Variants in LUZP2 observed in about 807,000 individuals in gnomAD.
The protein encoded by LUZP2 is leucine zipper protein 2.
Under a neutral mutation model 51.6 loss-of-function variants are expected in LUZP2, and 52 were observed. The ratio of observed to expected loss-of-function variants is 1.01; its 90% CI spans 0.81 to 1.27. The LOEUF (loss-of-function observed/expected upper bound fraction) is 1.27. Among genes scored for constraint, LUZP2 ranks in the 50% most tolerant of loss-of-function variants. LUZP2 has a pLI of 0.00. For missense variants in LUZP2, 436 were observed against 395.4 expected (o/e 1.10, Z -0.87); for synonymous variants, 154 against 137.3 (o/e 1.12, Z -0.85).
intron 1 of LUZP2, among the ~76,000 whole-genome samples, chr11:24,653,028 A>G (rs564487117): frequency 1.3e-5 from 2 of 152,182 alleles, no homozygotes; most frequent in Admixed American, 6.5e-5. Flanking sequence ...TCAGAATGGT[A>G]GTAGTAGTGG....
intron 10 of LUZP2, among the ~76,000 whole-genome samples, chr11:25,071,198 A>G (rs1859147977): frequency 6.6e-6 from 1 of 151,972 alleles, no homozygotes; most frequent in Non-Finnish European, 1.5e-5. Flanking sequence ...TATAGTAAAT[A>G]TATAAACAGC....
intron 4 of LUZP2, among the ~76,000 whole-genome samples, chr11:24,762,488 A>C (rs1860017403): frequency 6.6e-6 from 1 of 152,192 alleles, no homozygotes; most frequent in Admixed American, 6.5e-5. Context: ...TACTTTATTA[A>C]AAATGTGACT....
chr11:24,517,224 G>A (rs1387364900), intron 1 of LUZP2, among the ~76,000 whole-genome samples: 1 of 151,852 alleles, frequency 6.6e-6, no homozygotes, highest in Non-Finnish European at 1.5e-5. Flanking sequence ...GATGGTTCAC[G>A]CCTGTAACCC....
At chr11:24,808,536 G>C (rs1849920367) in intron 5 of LUZP2, among the ~76,000 whole-genome samples, 1 of 152,080 alleles carries the variant, frequency 6.6e-6, no homozygotes, top group South Asian at 2.1e-4. Context: ...CTCCAATATA[G>C]ATAAACTATA....
chr11:24,846,023 G>C (rs550747633), intron 5 of LUZP2, among the ~76,000 whole-genome samples: 28 of 152,020 alleles, frequency 1.8e-4, no homozygotes, highest in African/African-American at 6.5e-4. Flanking sequence ...TTTATGGTAA[G>C]TTATCAGATG....
rs1858988477 is a variant in LUZP2 at position 24,737,519 on chromosome 11, C to T, written c.252-702C>T. Among the ~76,000 whole-genome samples, 3 of 151,238 alleles carry T rather than the reference C, an allele frequency of 2.0e-5. No individual in the cohort carries two copies. The Admixed American group carries it at 2.0e-4, about 10-fold the overall frequency. ...GCTCGAGTAAAAAAAAATCAAGGCA[C>T]AGAAAGATAATATGATGTGTTATAA... On this transcript the variant is annotated intron_variant, in intron 3 of 11. Coordinates refer to ENST00000336930, the MANE Select transcript of LUZP2 (RefSeq NM_001009909.4).
chr11:24,557,641 A>G (rs1851911555), intron 1 of LUZP2, among the ~76,000 whole-genome samples: 1 of 152,154 alleles, frequency 6.6e-6, no homozygotes, highest in African/African-American at 2.4e-5. Context: ...GAAGAAAACA[A>G]TGTTGCCACT....
intron 10 of LUZP2, among the ~76,000 whole-genome samples, chr11:25,062,067 A>G (rs1414985527): frequency 1.3e-5 from 2 of 151,502 alleles, no homozygotes; most frequent in African/African-American, 4.8e-5. Flanking sequence ...AAGAAAAGGG[A>G]AAAAGAAGAA....
chr11:24,947,694 T>C (rs1254359906), intron 7 of LUZP2, among the ~76,000 whole-genome samples: 1 of 151,870 alleles, frequency 6.6e-6, no homozygotes, highest in South Asian at 2.1e-4. Context: ...ATACCTTTTC[T>C]TTGGCCTTGA....
intron 1 of LUZP2, among the ~76,000 whole-genome samples, chr11:24,564,897 A>T (rs1402711555): frequency 6.6e-6 from 1 of 152,172 alleles, no homozygotes; most frequent in Non-Finnish European, 1.5e-5. Context: ...TATGTTTGAG[A>T]TAAATTAGGT....
chr11:24,954,920 C>T (rs988797258), intron 7 of LUZP2, among the ~76,000 whole-genome samples: 2 of 151,822 alleles, frequency 1.3e-5, no homozygotes, highest in African/African-American at 4.8e-5. Flanking sequence ...TAGGAACGGA[C>T]CAGAAAGAAT....
chr11:24,984,718 A>C (rs1241675313), intron 9 of LUZP2, among the ~76,000 whole-genome samples: 1 of 151,088 alleles, frequency 6.6e-6, no homozygotes, highest in African/African-American at 2.4e-5. Context: ...CTATAGCTTA[A>C]GTTTCTGCTG....
chr11:24,650,181 G>GAT (rs1269850964), intron 1 of LUZP2, among the ~76,000 whole-genome samples: 1 of 151,862 alleles, frequency 6.6e-6, no homozygotes, highest in Non-Finnish European at 1.5e-5. Flanking sequence ...GCTGTACACA[G>GAT]ATTTTTAGCC....
chr11:25,075,540 T>G (rs2134061018), intron 10 of LUZP2, among the ~76,000 whole-genome samples: 1 of 152,340 alleles, frequency 6.6e-6, no homozygotes, highest in Middle Eastern at 3.4e-3. Flanking sequence ...TGTCTTAAAG[T>G]TATTCACAAT....
intron 3 of LUZP2, among the ~76,000 whole-genome samples, chr11:24,735,309 G>T (rs543644298): frequency 6.6e-6 from 1 of 151,804 alleles, no homozygotes; most frequent in Non-Finnish European, 1.5e-5. Context: ...GATTCCCCAG[G>T]TGAATGGAGA....
intron 1 of LUZP2, among the ~76,000 whole-genome samples, chr11:24,687,723 A>G (rs1305752549): frequency 6.6e-6 from 1 of 152,030 alleles, no homozygotes; most frequent in African/African-American, 2.4e-5. Context: ...GACTTCCTCC[A>G]CTCATGCTCA....
Position 24,800,809 on chromosome 11 carries a change from G to T in LUZP2, c.396+37501G>T, listed in dbSNP as rs186292098. 6.8e-3 allele frequency among the ~76,000 whole-genome samples: 1,041 copies of T among 152,110 alleles called. 13 individuals are homozygous for T. Among genetic ancestry groups the T allele is most frequent in the African/African-American group, 0.022 (928 of 41,528 alleles). The stretch of plus-strand genomic sequence containing the variant: ...ATAAACGAACTCCTCCTTCACATTT[G>T]CTTTCCCTAGAATTTTTTCTAAAAC... On this transcript the variant is annotated intron_variant, in intron 5 of 11. Coordinates refer to ENST00000336930, the MANE Select transcript of LUZP2 (RefSeq NM_001009909.4).
intron 10 of LUZP2, among the ~76,000 whole-genome samples, chr11:25,075,495 T>C (rs1371119211): frequency 1.3e-5 from 2 of 152,210 alleles, no homozygotes; most frequent in African/African-American, 4.8e-5. Flanking sequence ...TTGGTAGGCA[T>C]CTAGCTGCGA....
Position 24,729,169 on chromosome 11 carries a change from A to G in LUZP2, c.63A>G (p.Arg21=). 1 of 1,528,086 alleles carries G rather than the reference A, an allele frequency of 6.5e-7. No homozygotes were observed. Among genetic ancestry groups the G allele is most frequent in the Non-Finnish European group, 8.9e-7 (1 of 1,123,790 alleles). The allele number at this position is 1,528,086 out of a possible 1,614,324, so 94.7% of individuals were successfully genotyped here. A position where few individuals can be genotyped will look rare whatever the true frequency, so the allele number is the denominator to read the frequency against. Residue 21 remains arginine (R), a splice_region_variant and synonymous_variant, in exon 2 of 12, where the codon AGA becomes AGG. Transcript: ENST00000336930. ...PLLPALVLST[R]QDYEELEKQL... Reference sequence around the variant, plus strand: ...CTCATGCCTGTTCTTTCTGTGTTAGACAGGACTATGAAGAGCTAGAAAAGC... The same window carrying G: ...CTCATGCCTGTTCTTTCTGTGTTAGGCAGGACTATGAAGAGCTAGAAAAGC...
Sources: gnomAD v4.1 joint callset for allele counts (sites outside exome capture counted in the v4.1 genomes callset) on GRCh38, gnomAD v4.1.1 for gene constraint, MANE v1.5 for transcripts, NCBI Gene and HGNC (gene_info 2026-07-23, HGNC 2026-07-21) for gene names.